PAPSS1: variants seen among roughly 807,000 people sequenced by gnomAD.
The protein encoded by PAPSS1 is 3'-phosphoadenosine 5'-phosphosulfate synthase 1.
Under a neutral mutation model 72.0 loss-of-function variants are expected in PAPSS1, and 50 were observed. That is an observed-to-expected ratio of 0.69 (90% confidence interval 0.55 to 0.88). PAPSS1 has a LOEUF of 0.88. PAPSS1 is among the 40% of genes least tolerant of loss of function. The pLI is 0.00. For missense variants in PAPSS1, 657 were observed against 782.2 expected (o/e 0.84, Z 1.91); for synonymous variants, 261 against 263.6 (o/e 0.99, Z 0.09).
intron 1 of PAPSS1, among the ~76,000 whole-genome samples, chr4:107,706,285 G>A (rs1462870597): frequency 6.6e-6 from 1 of 152,036 alleles, no homozygotes; most frequent in Non-Finnish European, 1.5e-5. Context: ...TACTTTTGAT[G>A]CTGTCCTATA....
intron 11 of PAPSS1, among the ~76,000 whole-genome samples, chr4:107,630,115 GTCTCCAGA>G (rs1368893298): frequency 1.3e-5 from 2 of 152,104 alleles, no homozygotes; most frequent in Admixed American, 6.6e-5. Context: ...TTTATCCCTA[GTCTCCAGA>G]TCTCCAGATA....
intron 4 of PAPSS1, among the ~76,000 whole-genome samples, chr4:107,683,070 T>C (rs1036604874): frequency 6.6e-6 from 1 of 152,164 alleles, no homozygotes; most frequent in Non-Finnish European, 1.5e-5. Flanking sequence ...GCTATTCCTA[T>C]CTTATACCCC....
intron 3 of PAPSS1, among the ~76,000 whole-genome samples, chr4:107,692,778 G>GTGTATA (rs531707529): frequency 6.8e-6 from 1 of 147,016 alleles, no homozygotes; most frequent in African/African-American, 2.5e-5. Flanking sequence ...AACACGGTGT[G>GTGTATA]TATATATATA....
rs114181861 is a variant in PAPSS1 at position 107,705,354 on chromosome 4, G to A, written c.61-4069C>T. ...GGGTGCTTTCACCCATGCTGCTCTCGTGATAGTGAGTTCTCACAAGATTTG... is the reference window on the plus strand; with the variant it reads ...GGGTGCTTTCACCCATGCTGCTCTCATGATAGTGAGTTCTCACAAGATTTG... On this transcript the variant is annotated intron_variant, in intron 1 of 11. Transcript: ENST00000265174. Among the ~76,000 whole-genome samples, 1,517 of 152,292 alleles carry A rather than the reference G, an allele frequency of 1.0e-2. 20 individuals are homozygous for A. The highest frequency in any genetic ancestry group is 0.017 in the Middle Eastern group (5 of 294).
intron 1 of PAPSS1, among the ~76,000 whole-genome samples, chr4:107,703,638 G>A (rs1723263777): frequency 6.6e-6 from 1 of 151,930 alleles, no homozygotes; most frequent in Non-Finnish European, 1.5e-5. Context: ...TGTATTATTG[G>A]CACCTTTGTC....
At chr4:107,630,376 T>C (rs1372618501) in intron 11 of PAPSS1, among the ~76,000 whole-genome samples, 1 of 152,056 alleles carries the variant, frequency 6.6e-6, no homozygotes, top group East Asian at 1.9e-4. Context: ...TGGTGGAAGG[T>C]GATTAGATCA....
At chr4:107,680,892 AT>A (rs1314661419) in intron 5 of PAPSS1, among the ~76,000 whole-genome samples, 8 of 152,218 alleles carry the variant, frequency 5.3e-5, no homozygotes. Context: ...TGATCAGTAA[AT>A]ACAAAGAAAA....
chr4:107,662,614 G>T (rs909579206), intron 5 of PAPSS1, among the ~76,000 whole-genome samples: 3 of 151,058 alleles, frequency 2.0e-5, no homozygotes, highest in African/African-American at 4.9e-5. Context: ...AAAAAAAAAG[G>T]ACTCTTCCTT....
At chr4:107,632,000 G>C (rs1161270093) in intron 10 of PAPSS1, 140 bp from the exon 11 acceptor site, 1 of 629,250 alleles carries the variant, frequency 1.6e-6, no homozygotes, top group Non-Finnish European at 2.6e-6. Context: ...TATCATCCTG[G>C]GAAGCCAGAA....
intron 5 of PAPSS1, among the ~76,000 whole-genome samples, chr4:107,681,629 T>C (rs550887235): frequency 2.6e-5 from 4 of 152,126 alleles, no homozygotes; most frequent in Non-Finnish European, 5.9e-5. Context: ...AAGGAAAATG[T>C]GGGCACTCTA....
chr4:107,625,663 A>G (rs939905929), intron 11 of PAPSS1, among the ~76,000 whole-genome samples: 1 of 152,156 alleles, frequency 6.6e-6, no homozygotes, highest in Non-Finnish European at 1.5e-5. Flanking sequence ...GACCTAAAGA[A>G]CCATGCATGA....
intron 6 of PAPSS1, among the ~76,000 whole-genome samples, chr4:107,658,742 G>A (rs1417034068): frequency 6.6e-6 from 1 of 151,880 alleles, no homozygotes; most frequent in African/African-American, 2.4e-5. Context: ...CTTTGATGGT[G>A]GCTACTACTT....
rs76390458 is a variant in PAPSS1 at position 107,700,751 on chromosome 4, A to G, written c.175+420T>C. 6.1e-3 allele frequency among the ~76,000 whole-genome samples: 923 copies of G among 152,242 alleles called. 9 individuals carry two copies. Among genetic ancestry groups the G allele is most frequent in the African/African-American group, 0.021 (864 of 41,540 alleles). The stretch of plus-strand genomic sequence containing the variant: ...ATAGCAAGAAGATGCTAGTCCCTCA[A>G]TCTTGGACTTCCCAGCCTCCAGAAC... On this transcript the variant is annotated intron_variant, in intron 2 of 11. Coordinates refer to ENST00000265174, the MANE Select transcript of PAPSS1 (RefSeq NM_005443.5).
chr4:107,690,742 T>C (rs935073699), intron 3 of PAPSS1, among the ~76,000 whole-genome samples: 1 of 152,158 alleles, frequency 6.6e-6, no homozygotes, highest in Non-Finnish European at 1.5e-5. Context: ...GCCCTAAACA[T>C]AGTCCAAACC....
intron 1 of PAPSS1, among the ~76,000 whole-genome samples, chr4:107,715,076 T>A (rs968534793): frequency 6.6e-6 from 1 of 152,164 alleles, no homozygotes; most frequent in East Asian, 1.9e-4. Context: ...ATCTGCAATG[T>A]CCAATAGAGC....
chr4:107,642,436 C>T (rs1726573293), intron 10 of PAPSS1, among the ~76,000 whole-genome samples: 2 of 152,024 alleles, frequency 1.3e-5, no homozygotes. Context: ...AACAATAGTA[C>T]CTACCCTCTT....
At chr4:107,624,902 T>C (rs1726053222) in intron 11 of PAPSS1, among the ~76,000 whole-genome samples, 1 of 152,192 alleles carries the variant, frequency 6.6e-6, no homozygotes, top group South Asian at 2.1e-4. Context: ...AATACTTGTG[T>C]ATTGCAAAGA....
chr4:107,719,462 G>A (rs1238519013), intron 1 of PAPSS1, among the ~76,000 whole-genome samples: 1 of 152,146 alleles, frequency 6.6e-6, no homozygotes, highest in African/African-American at 2.4e-5. Context: ...ATAAAGGACT[G>A]GTCCCATACC....
intron 7 of PAPSS1, among the ~76,000 whole-genome samples, chr4:107,655,669 A>G (rs1373868449): frequency 1.6e-4 from 24 of 152,238 alleles, no homozygotes; most frequent in Non-Finnish European, 3.1e-4. Flanking sequence ...ACATCATGGC[A>G]TATCTTCTTT....
Sources: allele counts gnomAD v4.1 joint callset (sites outside exome capture counted in the v4.1 genomes callset), GRCh38; gene constraint gnomAD v4.1.1; transcripts MANE v1.5; gene names NCBI Gene and HGNC (gene_info 2026-07-23, HGNC 2026-07-21).